Variants in XYLB observed in about 807,000 individuals in gnomAD.
XYLB encodes the protein xylulokinase.
Under a neutral mutation model 78.7 loss-of-function variants are expected in XYLB, and 62 were observed. The observed-to-expected ratio is 0.79, with a 90% CI of 0.64 to 0.97. XYLB has a LOEUF of 0.97. Ranked by LOEUF, XYLB falls within the 50% of genes least tolerant of loss-of-function variation. The probability of loss-of-function intolerance (pLI) is 0.00; values close to 1 mark genes in which losing one functional copy is unlikely to be tolerated. For missense variants in XYLB, 687 were observed against 676.8 expected (o/e 1.02, Z -0.17); for synonymous variants, 245 against 247.4 (o/e 0.99, Z 0.09).
the XYLB span, among the ~76,000 whole-genome samples, chr3:38,427,584 C>T: frequency 2.4e-4 from 37 of 151,842 alleles, no homozygotes; most frequent in Non-Finnish European, 4.3e-4. Context: ...CTCTGCTTTT[C>T]CTAGCTTTTC....
chr3:38,357,779 A>ATCT (rs1705739121), intron 2 of XYLB, among the ~76,000 whole-genome samples: 4 of 6,316 alleles, frequency 6.3e-4, no homozygotes, highest in African/African-American at 1.1e-3. Flanking sequence ...ATTTGCATTT[A>ATCT]TCTAATGATA....
At chr3:38,363,997 G>A (rs1706112193) in intron 4 of XYLB, among the ~76,000 whole-genome samples, 1 of 152,078 alleles carries the variant, frequency 6.6e-6, no homozygotes, top group South Asian at 2.1e-4. Flanking sequence ...GAGATTCCCT[G>A]GGTGATCTTG....
At position 38,410,265 on chromosome 3, in the gene XYLB, G is replaced by C. The variant is rs997889214; in HGVS notation, c.1534-2671G>C. Among the ~76,000 whole-genome samples, 26 of 152,204 alleles carry C rather than the reference G, an allele frequency of 1.7e-4. No homozygotes were observed. In the East Asian group the frequency reaches 4.6e-3, roughly 27 times the overall value. ...ACTATCTGATCTTTGACAAACCTGA[G>C]AAAAACAAGAAATGGGGAAAGGATT... On this transcript the variant is annotated intron_variant, in intron 18 of 18. Coordinates refer to ENST00000207870, the MANE Select transcript of XYLB (RefSeq NM_005108.4).
intron 8 of XYLB, among the ~76,000 whole-genome samples, 193 bp downstream of exon 8, chr3:38,368,450 C>T (rs112088717): frequency 0.031 from 4,666 of 152,272 alleles, 220 homozygotes; most frequent in African/African-American, 0.1. Context: ...TGAAGACCAC[C>T]GTGTTTATTT....
intron 4 of XYLB, among the ~76,000 whole-genome samples, chr3:38,364,788 A>G (rs1353522163): frequency 6.6e-6 from 1 of 152,196 alleles, no homozygotes; most frequent in Admixed American, 6.5e-5. Flanking sequence ...AATAGGGATG[A>G]AAGTATCCTA....
the XYLB span, among the ~76,000 whole-genome samples, chr3:38,431,914 G>A: frequency 3.7e-4 from 57 of 152,046 alleles, no homozygotes; most frequent in Non-Finnish European, 7.1e-4. Context: ...TCTCCACCTG[G>A]TCTTGCCCTT....
chr3:38,363,076 G>A, intron 4 of XYLB, 59 bp downstream of exon 4: 1 of 1,347,202 alleles, frequency 7.4e-7, no homozygotes, highest in Non-Finnish European at 9.7e-7. Context: ...GCAATGGTGT[G>A]GGTGTTGAAG....
the XYLB span, chr3:38,450,899 CA>C: frequency 1.3e-5 from 2 of 152,156 alleles, no homozygotes; most frequent in Admixed American, 1.3e-4. Context: ...ATGGTGGATA[CA>C]CTTTTGAGGC....
chr3:38,407,648 G>T (rs1708383421), intron 18 of XYLB, among the ~76,000 whole-genome samples: 1 of 152,110 alleles, frequency 6.6e-6, no homozygotes, highest in Admixed American at 6.5e-5. Flanking sequence ...CATCTCATGT[G>T]CAGAGACACA....
At chr3:38,363,802 T>C (rs1706102827) in intron 4 of XYLB, among the ~76,000 whole-genome samples, 1 of 152,208 alleles carries the variant, frequency 6.6e-6, no homozygotes, top group African/African-American at 2.4e-5. Flanking sequence ...CACACAGTGC[T>C]GGGAGTGGGA....
intron 2 of XYLB, among the ~76,000 whole-genome samples, chr3:38,359,995 C>G (rs1043908112): frequency 2.0e-5 from 3 of 152,186 alleles, no homozygotes; most frequent in Non-Finnish European, 2.9e-5. Context: ...CGCAGCATCT[C>G]TGTGTGGCTG....
At chr3:38,428,216 TACTG>T in the XYLB span, among the ~76,000 whole-genome samples, 1 of 152,228 alleles carries the variant, frequency 6.6e-6, no homozygotes, top group African/African-American at 2.4e-5. Flanking sequence ...TTTTAAAACT[TACTG>T]ACATTTATTT....
intron 18 of XYLB, among the ~76,000 whole-genome samples, chr3:38,410,319 C>T (rs568063884): frequency 6.6e-6 from 1 of 152,342 alleles, no homozygotes; most frequent in East Asian, 1.9e-4. Flanking sequence ...GCTGGGAAAA[C>T]TGGCTAGCCA....
At chr3:38,375,665 C>T (rs914602687) in intron 12 of XYLB, among the ~76,000 whole-genome samples, 3 of 152,162 alleles carry the variant, frequency 2.0e-5, no homozygotes, top group East Asian at 1.9e-4. Context: ...TCCTGCCTCC[C>T]GACGGCTCTC....
the XYLB span, chr3:38,451,534 T>G: frequency 6.6e-6 from 1 of 152,154 alleles, no homozygotes; most frequent in Non-Finnish European, 1.5e-5. Context: ...GGCAGGAGAA[T>G]CACTTGAACT....
chr3:38,352,626 G>A (rs1198623167), intron 2 of XYLB, among the ~76,000 whole-genome samples: 1 of 152,090 alleles, frequency 6.6e-6, no homozygotes, highest in African/African-American at 2.4e-5. Flanking sequence ...AGGCAATATG[G>A]TGATACCCTG....
chr3:38,367,210 C>T (rs1000455778), intron 7 of XYLB, among the ~76,000 whole-genome samples: 2 of 152,066 alleles, frequency 1.3e-5, no homozygotes, highest in Non-Finnish European at 2.9e-5. Context: ...ATGTGGTTAA[C>T]GCAGGAGGGC....
chr3:38,371,681 C>T (rs1318940406), intron 9 of XYLB, among the ~76,000 whole-genome samples: 9 of 152,178 alleles, frequency 5.9e-5, no homozygotes, highest in African/African-American at 2.2e-4. Context: ...AACCACCGTG[C>T]TCGGCCGTTT....
At chr3:38,385,758 T>G (rs1707357147) in intron 15 of XYLB, among the ~76,000 whole-genome samples, 1 of 152,202 alleles carries the variant, frequency 6.6e-6, no homozygotes, top group African/African-American at 2.4e-5. Flanking sequence ...TGGATCAGCC[T>G]TGTAATCTTC....
Sources: gnomAD v4.1 joint callset for allele counts (sites outside exome capture counted in the v4.1 genomes callset) on GRCh38, gnomAD v4.1.1 for gene constraint, MANE v1.5 for transcripts, NCBI Gene and HGNC (gene_info 2026-07-23, HGNC 2026-07-21) for gene names.